COL27A1: variants seen among roughly 807,000 people sequenced by gnomAD.
COL27A1 encodes collagen type XXVII alpha 1 chain.
COL27A1 carries 106 observed loss-of-function variants against 251.3 expected under a neutral mutation model. That is an observed-to-expected ratio of 0.42 (90% CI 0.36 to 0.50). The LOEUF (loss-of-function observed/expected upper bound fraction) is 0.50, where lower values mean the gene tolerates loss of function less well. COL27A1 is among the 20% of genes least tolerant of loss of function. The probability of loss-of-function intolerance (pLI) is 0.00; values close to 1 mark genes in which losing one functional copy is unlikely to be tolerated. For synonymous variants in COL27A1, 1,000 were observed against 986.3 expected (o/e 1.01, Z -0.26); for missense variants, 2,325 against 2,522.8 (o/e 0.92, Z 1.68).
At chr9:114,288,599 G>A in intron 42 of COL27A1, 88 bp downstream of exon 42, 1 of 1,537,862 alleles carries the variant, frequency 6.5e-7, no homozygotes, top group African/African-American at 1.4e-5. Flanking sequence ...CCGATCAGGG[G>A]CCAGGTCCCT....
At chr9:114,192,901 C>A (rs190857476) in intron 5 of COL27A1, among the ~76,000 whole-genome samples, 77 of 152,288 alleles carry the variant, frequency 5.1e-4, no homozygotes, top group African/African-American at 1.7e-3. Context: ...AAGAAAAGAA[C>A]TGAGTGGGAA....
At chr9:114,203,419 C>T (rs1829710335) in intron 7 of COL27A1, among the ~76,000 whole-genome samples, 1 of 152,176 alleles carries the variant, frequency 6.6e-6, no homozygotes, top group Non-Finnish European at 1.5e-5. Context: ...ATGAGATTCT[C>T]AGAGGTGAAG....
intron 56 of COL27A1, among the ~76,000 whole-genome samples, chr9:114,304,137 G>T (rs1828859647): frequency 6.6e-6 from 1 of 152,230 alleles, no homozygotes; most frequent in Admixed American, 6.5e-5. Context: ...TCCCCTGGGG[G>T]GCATTGTCGC....
In COL27A1 at chr9:114,245,915, G is replaced by A; in HGVS notation, c.2979+5G>A. The A allele has an allele frequency of 6.2e-7, 1 of 1,612,882 alleles. No homozygotes were observed. Among genetic ancestry groups the A allele is most frequent in the Non-Finnish European group, 8.5e-7 (1 of 1,179,328 alleles). Reference sequence around the variant, plus strand: ...CCGGGGCCTGTGGGAGAGCAGGTTAGTTAGCAACGGTCTCTGAATGAGTGG... The same window carrying A: ...CCGGGGCCTGTGGGAGAGCAGGTTAATTAGCAACGGTCTCTGAATGAGTGG... On this transcript the variant is annotated splice_donor_5th_base_variant and intron_variant, in intron 24 of 60. Transcript: ENST00000356083.
In COL27A1 at chr9:114,304,648, A is replaced by G; in HGVS notation, c.4913A>G (p.Asp1638Gly). Residue 1638 changes from aspartate to glycine, a missense_variant, in exon 57 of 61, where the codon GAC (aspartate) becomes GGC (glycine). Asp to Gly is a moderately conservative substitution (Grantham distance 94). This residue lies in a region of COL27A1 where 327 missense variants were observed against 442.8 expected (regional missense o/e 0.74). Transcript: ENST00000356083. ...DLGAAFQTWM[D>G]TSGALRPESY... ...GGGGCAGCTTTCCAGACGTGGATGGACACCAGTGGAGCACTCAGGCCAGAG... is the reference window on the plus strand; with the variant it reads ...GGGGCAGCTTTCCAGACGTGGATGGGCACCAGTGGAGCACTCAGGCCAGAG... 1 of 1,614,124 alleles carries G rather than the reference A, an allele frequency of 6.2e-7. No homozygotes were observed. The highest frequency in any genetic ancestry group is 1.1e-5 in the South Asian group (1 of 91,080).
At chr9:114,203,542 C>T (rs566391363) in intron 7 of COL27A1, among the ~76,000 whole-genome samples, 2 of 152,150 alleles carry the variant, frequency 1.3e-5, no homozygotes, top group Non-Finnish European at 2.9e-5. Flanking sequence ...AAAGAGTACA[C>T]GCCCCAGCTA....
intron 14 of COL27A1, among the ~76,000 whole-genome samples, chr9:114,225,135 G>A (rs1484815039): frequency 1.3e-5 from 2 of 152,048 alleles, no homozygotes; most frequent in Non-Finnish European, 2.9e-5. Context: ...GTCTGGCAAC[G>A]CTATTTGCAG....
At chr9:114,271,004 C>A (rs1835100612) in intron 36 of COL27A1, 2 of 524,326 alleles carry the variant, frequency 3.8e-6, no homozygotes, top group African/African-American at 2.0e-5. Flanking sequence ...GCCATCACCA[C>A]CTTCCAGTCT....
At chr9:114,213,835 T>C (rs979165863) in intron 12 of COL27A1, among the ~76,000 whole-genome samples, 1 of 152,200 alleles carries the variant, frequency 6.6e-6, no homozygotes, top group Admixed American at 6.5e-5. Context: ...GACTGAGAAC[T>C]TCTGTCTGCT....
chr9:114,245,745 A>G (rs41278645), intron 23 of COL27A1, 121 bp from the exon 24 acceptor site: 77,710 of 901,604 alleles, frequency 0.086, 3,908 homozygotes, highest in South Asian at 0.11. Flanking sequence ...CACACACTGG[A>G]GATAAGATCC....
At chr9:114,261,663 G>A (rs1834347807) in intron 28 of COL27A1, among the ~76,000 whole-genome samples, 1 of 152,240 alleles carries the variant, frequency 6.6e-6, no homozygotes, top group East Asian at 1.9e-4. Context: ...AGGCCCCAGT[G>A]TGCAGCCTTC....
In COL27A1 at chr9:114,155,945, C is replaced by T. The variant is rs1848090128; in HGVS notation, c.-6C>T. 7.9e-7 allele frequency: 1 copy of T among 1,265,646 alleles called. No individual in the cohort carries two copies. Among genetic ancestry groups the T allele is most frequent in the Non-Finnish European group, 1.0e-6 (1 of 1,002,090 alleles). The allele number at this position is 1,265,646 out of a possible 1,614,324, so 78.4% of individuals were successfully genotyped here. A position where few individuals can be genotyped will look rare whatever the true frequency, so the allele number is the denominator to read the frequency against. On this transcript the variant is annotated 5_prime_UTR_variant, in exon 1 of 61. Coordinates refer to ENST00000356083, the MANE Select transcript of COL27A1 (RefSeq NM_032888.4). The surrounding 1 kb of genome is among the most constrained non-coding windows in gnomAD (Gnocchi z 5.5). ...CGGGCTCGGGAGCATGAAGTAGGGGCCTGCCATGGGAGCGGGATCGGCGCG... is the reference window on the plus strand; with the variant it reads ...CGGGCTCGGGAGCATGAAGTAGGGGTCTGCCATGGGAGCGGGATCGGCGCG...
At chr9:114,189,205 A>G (rs974100095) in intron 5 of COL27A1, among the ~76,000 whole-genome samples, 1 of 152,174 alleles carries the variant, frequency 6.6e-6, no homozygotes, top group African/African-American at 2.4e-5. Context: ...TTGTACTCTT[A>G]AAAAATTAAA....
chr9:114,199,760 C>T (rs1470300031), intron 7 of COL27A1, among the ~76,000 whole-genome samples: 1 of 152,186 alleles, frequency 6.6e-6, no homozygotes, highest in African/African-American at 2.4e-5. Flanking sequence ...CAGAACCCAA[C>T]CTGTTCATCT....
chr9:114,212,036 A>T (rs780989714), intron 12 of COL27A1, among the ~76,000 whole-genome samples: 1 of 152,226 alleles, frequency 6.6e-6, no homozygotes, highest in Non-Finnish European at 1.5e-5. Context: ...ACTGATGGGC[A>T]TGTTAGCTGT....
chr9:114,213,359 C>G (rs888561258), intron 12 of COL27A1, among the ~76,000 whole-genome samples: 15 of 152,164 alleles, frequency 9.9e-5, no homozygotes, highest in African/African-American at 3.6e-4. Context: ...TGCCATGTAC[C>G]TGTGTTCTTC....
In COL27A1 at chr9:114,168,910, A is replaced by C. The variant is rs1849099949; in HGVS notation, c.1355A>C (p.Lys452Thr). Residue 452 changes from lysine to threonine, a missense_variant, in exon 3 of 61, where the codon AAA becomes ACA. Lys to Thr is a moderately conservative substitution (Grantham distance 78). Transcript: ENST00000356083. ...PLPPTTSSSK[K>T]PIPTLARTEA... ...CCTCCTACCACCAGCTCCTCTAAAAAACCCATTCCCACACTAGCTCGGACT... is the reference window on the plus strand; with the variant it reads ...CCTCCTACCACCAGCTCCTCTAAAACACCCATTCCCACACTAGCTCGGACT... 1.2e-6 allele frequency: 2 copies of C among 1,613,572 alleles called. No individual in the cohort carries two copies. Among genetic ancestry groups the C allele is most frequent in the African/African-American group, 2.7e-5 (2 of 74,766 alleles).
intron 37 of COL27A1, among the ~76,000 whole-genome samples, chr9:114,276,135 C>A (rs1467707032): frequency 1.3e-5 from 2 of 152,190 alleles, no homozygotes; most frequent in African/African-American, 4.8e-5. Flanking sequence ...TTCTTCACTC[C>A]CCTGTCACCT....
chr9:114,282,915 AT>A (rs1336231800), intron 39 of COL27A1, among the ~76,000 whole-genome samples: 1 of 152,130 alleles, frequency 6.6e-6, no homozygotes, highest in Admixed American at 6.5e-5. Context: ...AAACAAGGAG[AT>A]TTCCCACTGG....
Sources: allele counts gnomAD v4.1 joint callset (sites outside exome capture counted in the v4.1 genomes callset), GRCh38; gene constraint gnomAD v4.1.1; regional missense constraint gnomAD v4.1.1; non-coding constraint Gnocchi (gnomAD v3.1); transcripts MANE v1.5; gene names NCBI Gene and HGNC (gene_info 2026-07-23, HGNC 2026-07-21).